Variants in NR2C2 observed in about 807,000 individuals in gnomAD.
NR2C2 encodes nuclear receptor subfamily 2 group C member 2.
Under a neutral mutation model 62.9 loss-of-function variants are expected in NR2C2, and 6 were observed. The observed-to-expected ratio is 0.10, with a 90% CI of 0.05 to 0.19. NR2C2 has a LOEUF of 0.19. Ranked by LOEUF, NR2C2 falls within the 10% of genes least tolerant of loss-of-function variation. The pLI, the probability that NR2C2 is intolerant of heterozygous loss-of-function variation, is 1.00. For missense variants in NR2C2, 479 were observed against 762.7 expected, an observed-to-expected ratio of 0.63 and a Z score of 4.38; for synonymous variants, 272 against 273.8, an observed-to-expected ratio of 0.99 and a Z score of 0.07.
intron 1 of NR2C2, among the ~76,000 whole-genome samples, chr3:14,961,435 A>G (rs75311185): frequency 0.015 from 2,294 of 152,324 alleles, 61 homozygotes; most frequent in African/African-American, 0.052. Flanking sequence ...TGCACACTCA[A>G]TAATACTGTA....
intron 1 of NR2C2, among the ~76,000 whole-genome samples, chr3:14,977,959 AAAAAG>A (rs1305628017): frequency 1.3e-5 from 2 of 150,962 alleles, no homozygotes; most frequent in Admixed American, 1.3e-4. Flanking sequence ...AAAAAAAAAA[AAAAAG>A]AAGAAGAAGA....
Position 15,045,522 on chromosome 3 carries a change from T to A in NR2C2, c.*2514T>A, listed in dbSNP as rs1387495913. The A allele has an allele frequency of 6.6e-6, 1 of 152,626 alleles. No individual in the cohort carries two copies. Among genetic ancestry groups the A allele is most frequent in the Non-Finnish European group, 1.5e-5 (1 of 68,022 alleles). 9.5% of individuals were successfully genotyped at this position (152,626 alleles called of 1,614,324 possible). On this transcript the variant is annotated 3_prime_UTR_variant, in exon 14 of 14. Coordinates refer to ENST00000425241, the MANE Select transcript of NR2C2 (RefSeq NM_001291694.2). Reference sequence around the variant, plus strand: ...GTTTTGGGCTTTGAACACCTCTTGGTTGGTTTCTGAGATCCTCTTGGCCTT... The same window carrying A: ...GTTTTGGGCTTTGAACACCTCTTGGATGGTTTCTGAGATCCTCTTGGCCTT...
intron 2 of NR2C2, among the ~76,000 whole-genome samples, chr3:15,013,234 C>T (rs1413460677): frequency 6.6e-6 from 1 of 152,150 alleles, no homozygotes; most frequent in African/African-American, 2.4e-5. Flanking sequence ...GGATCAGTAG[C>T]ATTTCAAAAG....
intron 1 of NR2C2, among the ~76,000 whole-genome samples, chr3:14,978,693 T>C (rs191804059): frequency 4.6e-5 from 7 of 152,218 alleles, no homozygotes; most frequent in Non-Finnish European, 8.8e-5. Flanking sequence ...AGCATGGGGG[T>C]TGGAGGTTCA....
chr3:15,037,209 T>TTTTGTGTGTG (rs776536753), intron 11 of NR2C2, among the ~76,000 whole-genome samples: 4,615 of 130,276 alleles, frequency 0.035, 105 homozygotes, highest in Non-Finnish European at 0.056. Flanking sequence ...TGTTTTTTGT[T>TTTTGTGTGTG]TGTGTGTGTG....
chr3:14,978,617 A>G (rs1275006793), intron 1 of NR2C2, among the ~76,000 whole-genome samples: 2 of 152,134 alleles, frequency 1.3e-5, no homozygotes, highest in African/African-American at 4.8e-5. Context: ...AGGGTACCAC[A>G]TGTCTTGTTG....
intron 1 of NR2C2, among the ~76,000 whole-genome samples, chr3:14,951,033 A>G (rs2039341403): frequency 6.6e-6 from 1 of 152,372 alleles, no homozygotes; most frequent in Admixed American, 6.5e-5. Flanking sequence ...TTGAATTACA[A>G]GTTTAAGTGC....
chr3:14,982,758 T>C (rs2040410539), intron 1 of NR2C2, among the ~76,000 whole-genome samples: 1 of 152,176 alleles, frequency 6.6e-6, no homozygotes. Context: ...ATCCTTATGT[T>C]TTTGTCTTGA....
At chr3:14,975,877 T>C (rs977697803) in intron 1 of NR2C2, among the ~76,000 whole-genome samples, 2 of 152,170 alleles carry the variant, frequency 1.3e-5, no homozygotes, top group African/African-American at 2.4e-5. Flanking sequence ...TTACTTATTC[T>C]ATCTTCTTAC....
chr3:15,020,826 C>A lies in NR2C2; in HGVS notation c.450C>A (p.Thr150=), dbSNP rs1191761173. The change falls in exon 5 of 14, where the codon ACC becomes ACA. Residue 150 remains threonine, a synonymous_variant. Transcript: ENST00000425241. ...FFKRSVRKNL[T]YSCRSNQDCI... ...AAAGGAGTGTGAGGAAAAATTTGAC[C>A]TACAGCTGCCGGAGCAACCAAGACT... 6.2e-7 allele frequency: 1 copy of A among 1,614,002 alleles called. No homozygotes were observed. Among genetic ancestry groups the A allele is most frequent in the African/African-American group, 1.3e-5 (1 of 74,908 alleles).
intron 5 of NR2C2, among the ~76,000 whole-genome samples, chr3:15,021,204 AGCTG>A (rs1196965393): frequency 6.6e-6 from 1 of 152,142 alleles, no homozygotes; most frequent in Non-Finnish European, 1.5e-5. Flanking sequence ...TTTGGAGGAA[AGCTG>A]ATACCAAATC....
intron 1 of NR2C2, among the ~76,000 whole-genome samples, chr3:14,981,422 T>G (rs1026172215): frequency 4.0e-5 from 6 of 151,520 alleles, no homozygotes; most frequent in African/African-American, 1.2e-4. Flanking sequence ...GCTAACACGG[T>G]GAAATCCCAT....
chr3:14,950,130 G>C (rs1052270470), intron 1 of NR2C2, among the ~76,000 whole-genome samples: 1 of 152,218 alleles, frequency 6.6e-6, no homozygotes, highest in African/African-American at 2.4e-5. Context: ...TACTGGTATA[G>C]ACATTGGACT....
At chr3:14,983,574 T>C (rs1476211676) in intron 1 of NR2C2, among the ~76,000 whole-genome samples, 1 of 152,146 alleles carries the variant, frequency 6.6e-6, no homozygotes, top group Non-Finnish European at 1.5e-5. Context: ...TTTTCTTAAA[T>C]TTATGCTAGC....
chr3:14,974,607 T>TG (rs1429313562), intron 1 of NR2C2, among the ~76,000 whole-genome samples: 9 of 150,124 alleles, frequency 6.0e-5, no homozygotes, highest in Middle Eastern at 3.2e-3. Context: ...GTTTTTTTGT[T>TG]GGTTTTTTTT....
At position 15,025,086 on chromosome 3, in the gene NR2C2, G is replaced by A. The variant is rs2041786789; in HGVS notation, c.798+878G>A. On this transcript the variant is annotated intron_variant, in intron 7 of 13. Coordinates refer to ENST00000425241, the MANE Select transcript of NR2C2 (RefSeq NM_001291694.2). ...TTGGGCAGGGGCCACATGCATGATGGGAGCTGATGGATCACGCATCGTGGG... is the reference window on the plus strand; with the variant it reads ...TTGGGCAGGGGCCACATGCATGATGAGAGCTGATGGATCACGCATCGTGGG... 1.3e-5 allele frequency among the ~76,000 whole-genome samples: 2 copies of A among 152,246 alleles called. 1 individual carries two copies. Among genetic ancestry groups the A allele is most frequent in the South Asian group, 4.1e-4 (2 of 4,828 alleles).
chr3:15,039,431 G>A (rs1406424760), intron 13 of NR2C2, among the ~76,000 whole-genome samples: 3 of 152,214 alleles, frequency 2.0e-5, no homozygotes, highest in Non-Finnish European at 4.4e-5. Flanking sequence ...TAGAGGTGGT[G>A]TAGAGTGTAG....
intron 1 of NR2C2, among the ~76,000 whole-genome samples, chr3:14,992,655 C>T (rs1455846503): frequency 6.6e-6 from 1 of 152,146 alleles, no homozygotes; most frequent in Non-Finnish European, 1.5e-5. Context: ...TCAGGAAAGG[C>T]TGGCCAGAGG....
intron 2 of NR2C2, among the ~76,000 whole-genome samples, chr3:15,006,291 C>T (rs1471579079): frequency 6.6e-6 from 1 of 152,140 alleles, no homozygotes; most frequent in Non-Finnish European, 1.5e-5. Context: ...TTGCAAAGGT[C>T]AGGATTTATT....
Sources: allele counts gnomAD v4.1 joint callset (sites outside exome capture counted in the v4.1 genomes callset), GRCh38; gene constraint gnomAD v4.1.1; transcripts MANE v1.5; gene names NCBI Gene and HGNC (gene_info 2026-07-23, HGNC 2026-07-21).